The following CA10 variants were observed in gnomAD, a reference collection of about 807,000 sequenced individuals.
CA10 encodes the protein carbonic anhydrase 10 (inactive), also known as carbonic anhydrase-related protein 10.
CA10 carries 14 observed loss-of-function variants against 44.2 expected under a neutral mutation model. That is an observed-to-expected ratio of 0.32 (90% CI 0.21 to 0.50). The LOEUF is 0.50. CA10 is among the 20% of genes least tolerant of loss of function. The pLI, the probability that CA10 is intolerant of heterozygous loss-of-function variation, is 0.99. For missense variants in CA10, 350 were observed against 409.7 expected (o/e 0.85, Z 1.26); for synonymous variants, 159 against 141.6 (o/e 1.12, Z -0.87).
At chr17:52,106,975 G>A (rs1374661574) in intron 1 of CA10, among the ~76,000 whole-genome samples, 2 of 152,120 alleles carry the variant, frequency 1.3e-5, no homozygotes, top group South Asian at 4.1e-4. Flanking sequence ...GGAGACTCCT[G>A]TATATAAAAC....
At chr17:51,852,727 C>T (rs539298562) in intron 3 of CA10, among the ~76,000 whole-genome samples, 30 of 152,268 alleles carry the variant, frequency 2.0e-4, no homozygotes, top group African/African-American at 7.2e-4. Context: ...ATCATTTCTA[C>T]CACATGGTAA....
At chr17:52,011,026 C>A (rs576593284) in intron 2 of CA10, among the ~76,000 whole-genome samples, 1 of 151,552 alleles carries the variant, frequency 6.6e-6, no homozygotes, top group Non-Finnish European at 1.5e-5. Flanking sequence ...GAGACGGGAT[C>A]CTGTCCTGAG....
At chr17:52,010,095 A>T (rs1430013664) in intron 2 of CA10, among the ~76,000 whole-genome samples, 1 of 152,014 alleles carries the variant, frequency 6.6e-6, no homozygotes, top group Non-Finnish European at 1.5e-5. Flanking sequence ...AAAAATTAAA[A>T]AATAATAGAT....
intron 2 of CA10, among the ~76,000 whole-genome samples, chr17:51,998,630 A>C (rs537252682): frequency 7.4e-4 from 112 of 152,064 alleles, no homozygotes; most frequent in African/African-American, 2.6e-3. Flanking sequence ...ATATCAACTT[A>C]TTTATATTTA....
chr17:52,128,880 C>A (rs993458769), intron 1 of CA10, among the ~76,000 whole-genome samples: 3 of 152,162 alleles, frequency 2.0e-5, no homozygotes, highest in African/African-American at 7.2e-5. Context: ...TGGATACTAT[C>A]TTTTGAATCA....
chr17:51,880,589 A>G (rs1203120398), intron 3 of CA10, among the ~76,000 whole-genome samples: 1 of 152,106 alleles, frequency 6.6e-6, no homozygotes, highest in Non-Finnish European at 1.5e-5. Context: ...GGTGTGAGAC[A>G]TTGTGCCCTG....
At chr17:51,709,438 C>A (rs1458051983) in intron 4 of CA10, among the ~76,000 whole-genome samples, 1 of 152,058 alleles carries the variant, frequency 6.6e-6, no homozygotes, top group African/African-American at 2.4e-5. Context: ...GGTGCTGAGA[C>A]CTGAACAATG....
intron 4 of CA10, among the ~76,000 whole-genome samples, chr17:51,688,527 T>C (rs1373360089): frequency 6.6e-6 from 1 of 152,214 alleles, no homozygotes; most frequent in East Asian, 1.9e-4. Flanking sequence ...CATCCCTACT[T>C]CTTAGGTTGC....
At chr17:52,109,159 C>T (rs207476448) in intron 1 of CA10, among the ~76,000 whole-genome samples, 3 of 152,140 alleles carry the variant, frequency 2.0e-5, no homozygotes, top group African/African-American at 7.2e-5. Context: ...GCATTACACT[C>T]ATGTTGTAGA....
At chr17:51,922,092 A>G (rs1192085350) in intron 3 of CA10, among the ~76,000 whole-genome samples, 1 of 152,204 alleles carries the variant, frequency 6.6e-6, no homozygotes, top group African/African-American at 2.4e-5. Flanking sequence ...TCTGCCAGTC[A>G]TTGGCTTGAT....
chr17:52,123,131 A>C (rs1989046833), intron 1 of CA10, among the ~76,000 whole-genome samples: 1 of 152,168 alleles, frequency 6.6e-6, no homozygotes, highest in South Asian at 2.1e-4. Flanking sequence ...CCTGCAACTC[A>C]GCCTGCCAAG....
At chr17:51,634,026 T>C (rs528412768) in intron 7 of CA10, among the ~76,000 whole-genome samples, 3 of 152,336 alleles carry the variant, frequency 2.0e-5, no homozygotes, top group African/African-American at 7.2e-5. Flanking sequence ...ACGTGGATCA[T>C]AGTGATTGGT....
At chr17:51,667,163 A>AG (rs1435098965) in intron 4 of CA10, among the ~76,000 whole-genome samples, 4 of 152,180 alleles carry the variant, frequency 2.6e-5, no homozygotes, top group African/African-American at 9.7e-5. Flanking sequence ...GCCACATAGG[A>AG]GGGAGGGAGC....
chr17:51,727,075 C>T (rs1027104952), intron 4 of CA10, among the ~76,000 whole-genome samples: 1 of 152,198 alleles, frequency 6.6e-6, no homozygotes, highest in African/African-American at 2.4e-5. Flanking sequence ...ATTTGCTAAA[C>T]CTCTTCATCT....
chr17:51,881,155 G>T (rs1980351809), intron 3 of CA10, among the ~76,000 whole-genome samples: 1 of 151,020 alleles, frequency 6.6e-6, no homozygotes, highest in Non-Finnish European at 1.5e-5. Flanking sequence ...CAGAAGAATG[G>T]CGTGAACCTG....
intron 3 of CA10, among the ~76,000 whole-genome samples, chr17:51,759,013 C>G (rs2143632717): frequency 6.6e-6 from 1 of 152,264 alleles, no homozygotes; most frequent in Middle Eastern, 3.4e-3. Flanking sequence ...ATCCGTATGA[C>G]CCCAGTTCAG....
intron 2 of CA10, among the ~76,000 whole-genome samples, chr17:51,991,174 T>C (rs1985026137): frequency 6.6e-6 from 1 of 152,158 alleles, no homozygotes; most frequent in Non-Finnish European, 1.5e-5. Context: ...ATGGAAAATG[T>C]AGTGCAGAGT....
chr17:51,713,131 C>T (rs933875862), intron 4 of CA10, among the ~76,000 whole-genome samples: 1 of 152,218 alleles, frequency 6.6e-6, no homozygotes, highest in Non-Finnish European at 1.5e-5. Context: ...AATCGGGTAA[C>T]TTCCCAAAGA....
intron 3 of CA10, among the ~76,000 whole-genome samples, chr17:51,892,202 A>G (rs1980888184): frequency 6.6e-6 from 1 of 152,190 alleles, no homozygotes; most frequent in Admixed American, 6.5e-5. Context: ...GTCCTGTATG[A>G]GTAAGTGGTG....
Sources: gnomAD v4.1 joint callset for allele counts (sites outside exome capture counted in the v4.1 genomes callset) on GRCh38, gnomAD v4.1.1 for gene constraint, MANE v1.5 for transcripts, NCBI Gene and HGNC (gene_info 2026-07-23, HGNC 2026-07-21) for gene names.